Variants in LYPD6B observed in about 807,000 individuals in gnomAD.
LYPD6B encodes ly6/PLAUR domain-containing protein 6B.
LYPD6B carries 17 observed loss-of-function variants against 22.8 expected under a neutral mutation model. That is an observed-to-expected ratio of 0.75 (90% CI 0.51 to 1.12). The LOEUF is 1.12. Ranked by LOEUF, LYPD6B falls within the 50% of genes most tolerant of loss-of-function variation. The probability of loss-of-function intolerance (pLI) is 0.00; values close to 1 mark genes in which losing one functional copy is unlikely to be tolerated. For missense variants in LYPD6B, 221 were observed against 258.3 expected (o/e 0.86, Z 0.99); for synonymous variants, 106 against 91.6 (o/e 1.16, Z -0.90).
chr2:149,198,038 T>C (rs1278982443), intron 3 of LYPD6B, among the ~76,000 whole-genome samples: 2 of 151,884 alleles, frequency 1.3e-5, no homozygotes, highest in East Asian at 3.9e-4. Flanking sequence ...CTTTTCTTTT[T>C]TTTTTTTTCT....
At chr2:149,059,660 C>T (rs2105316135) in intron 1 of LYPD6B, among the ~76,000 whole-genome samples, 1 of 152,296 alleles carries the variant, frequency 6.6e-6, no homozygotes, top group East Asian at 1.9e-4. Flanking sequence ...TGCATTCTCA[C>T]TATGGGAGCA....
chr2:149,081,061 C>A (rs1685113210), intron 1 of LYPD6B, among the ~76,000 whole-genome samples: 1 of 152,136 alleles, frequency 6.6e-6, no homozygotes, highest in Non-Finnish European at 1.5e-5. Flanking sequence ...GGAAAGGTGA[C>A]TGGATCTGGG....
At chr2:149,171,186 A>G (rs1251206549) in intron 3 of LYPD6B, among the ~76,000 whole-genome samples, 1 of 152,074 alleles carries the variant, frequency 6.6e-6, no homozygotes, top group African/African-American at 2.4e-5. Context: ...TGACTTTACC[A>G]TTGCCTGCGA....
intron 3 of LYPD6B, among the ~76,000 whole-genome samples, chr2:149,189,939 T>TAACC (rs1182150634): frequency 1.3e-4 from 20 of 152,214 alleles, no homozygotes; most frequent in Non-Finnish European, 2.2e-4. Flanking sequence ...TATTGAGCTT[T>TAACC]AACCATAAAC....
chr2:149,101,399 T>A (rs923761010), intron 1 of LYPD6B: 8 of 152,282 alleles, frequency 5.3e-5, no homozygotes, highest in African/African-American at 1.9e-4. Flanking sequence ...GGGTGGGACA[T>A]CACAGCCCTA....
chr2:149,174,407 C>A (rs902221570), intron 3 of LYPD6B, among the ~76,000 whole-genome samples: 6 of 152,180 alleles, frequency 3.9e-5, no homozygotes, highest in Non-Finnish European at 8.8e-5. Flanking sequence ...CTGGCCAGAA[C>A]TTCCAATACT....
At chr2:149,065,558 TC>T (rs1684282546) in intron 1 of LYPD6B, among the ~76,000 whole-genome samples, 1 of 152,156 alleles carries the variant, frequency 6.6e-6, no homozygotes, top group African/African-American at 2.4e-5. Flanking sequence ...CGAGCTAGAC[TC>T]CAGTTACTTC....
rs564496278 is a variant in LYPD6B at position 149,195,964 on chromosome 2, C to T, written c.78-9289C>T. On this transcript the variant is annotated intron_variant, in intron 3 of 6. Transcript: ENST00000409642. ...ATTTGCCCCCAGGCCTGAGTGCCTC[C>T]AGAGGCCGGTTTCTCCCCATTATAC... Among the ~76,000 whole-genome samples, 13 of 152,298 alleles carry T rather than the reference C, an allele frequency of 8.5e-5. No homozygotes were observed. The East Asian group carries it at 2.5e-3, about 29-fold the overall frequency.
Position 149,103,771 on chromosome 2 carries a change from C to CTTTTTT in LYPD6B, c.-66-27094_-66-27089dup, listed in dbSNP as rs56739458. 1.9e-3 allele frequency among the ~76,000 whole-genome samples: 139 copies of CTTTTTT among 74,302 alleles called. 1 individual carries two copies. The highest frequency in any genetic ancestry group is 3.7e-3 in the East Asian group (8 of 2,152). 48.7% of individuals were successfully genotyped at this position (74,302 alleles called of 152,430 possible). ...TGATGTTCATACACGTTGTGCATAT[C>CTTTTTT]TTTTTTTTTTTTTTTTTTTTTTTGA... On this transcript the variant is annotated intron_variant, in intron 1 of 6. Transcript: ENST00000409642.
rs1687347044 is a variant in LYPD6B, at chr2:149,121,416, A to G, written c.-66-9467A>G. On this transcript the variant is annotated intron_variant, in intron 1 of 6. Transcript: ENST00000409642. ...ATTAATTTTCAAAACTCTAATCTGC[A>G]TTTAGGAGTTCACATAGAGCTGATT... is the stretch of plus-strand genomic sequence containing the variant. Among the ~76,000 whole-genome samples, 3 of 152,166 alleles carry G rather than the reference A, an allele frequency of 2.0e-5. 1 individual carries two copies. The South Asian group carries it at 6.2e-4, about 32-fold the overall frequency.
At chr2:149,206,053 A>G (rs759830376) in intron 4 of LYPD6B, 28 of 464,786 alleles carry the variant, frequency 6.0e-5, no homozygotes, top group Non-Finnish European at 9.8e-5. Context: ...TTTATTAGAG[A>G]GTGATTCTTA....
chr2:149,177,071 T>C (rs920368973), intron 3 of LYPD6B, among the ~76,000 whole-genome samples: 2 of 152,150 alleles, frequency 1.3e-5, no homozygotes, highest in African/African-American at 4.8e-5. Flanking sequence ...GCATGAAAAA[T>C]GGTGTTTCAG....
At chr2:149,119,297 G>A (rs549698830) in intron 1 of LYPD6B, 7 of 152,200 alleles carry the variant, frequency 4.6e-5, no homozygotes, top group South Asian at 2.1e-4. Context: ...CTGCTGAAAT[G>A]TACAATTTAC....
chr2:149,187,762 C>A, intron 3 of LYPD6B: 1 of 412,222 alleles, frequency 2.4e-6, no homozygotes, highest in Non-Finnish European at 4.3e-6. Context: ...AAAAGAAAAT[C>A]TCAAAATGTT....
intron 2 of LYPD6B, among the ~76,000 whole-genome samples, chr2:149,156,231 G>C (rs1352938003): frequency 2.0e-5 from 3 of 152,214 alleles, no homozygotes; most frequent in Admixed American, 6.5e-5. Context: ...TCCTGTTTCA[G>C]AGTCGGGATC....
chr2:149,042,560 G>C (rs890970293), intron 1 of LYPD6B, among the ~76,000 whole-genome samples: 8 of 152,326 alleles, frequency 5.3e-5, no homozygotes, highest in African/African-American at 1.9e-4. Context: ...GAATGAGGTA[G>C]AGAGAAATGC....
chr2:149,048,625 A>G (rs1020289440), intron 1 of LYPD6B, among the ~76,000 whole-genome samples: 1 of 152,156 alleles, frequency 6.6e-6, no homozygotes, highest in Admixed American at 6.5e-5. Context: ...ATTTTGGGCT[A>G]GTTTGTTCTC....
chr2:149,122,399 TAA>T (rs1395477449), intron 1 of LYPD6B, among the ~76,000 whole-genome samples: 6 of 150,470 alleles, frequency 4.0e-5, no homozygotes, highest in African/African-American at 1.2e-4. Flanking sequence ...TTCTTTTTTT[TAA>T]AAATTATTAT....
intron 2 of LYPD6B, among the ~76,000 whole-genome samples, chr2:149,151,326 GT>G (rs1689360633): frequency 6.6e-6 from 1 of 152,174 alleles, no homozygotes; most frequent in African/African-American, 2.4e-5. Flanking sequence ...TTCTGCAGCT[GT>G]TATAGGTGCA....
Sources: gnomAD v4.1 joint callset for allele counts (sites outside exome capture counted in the v4.1 genomes callset) on GRCh38, gnomAD v4.1.1 for gene constraint, MANE v1.5 for transcripts, NCBI Gene and HGNC (gene_info 2026-07-23, HGNC 2026-07-21) for gene names.